Variants in PLPP1 observed in about 807,000 individuals in gnomAD.
The protein encoded by PLPP1 is lipid phosphate phosphohydrolase 1a.
A neutral mutation model predicts 31.2 loss-of-function variants in PLPP1; 24 were observed. That is an observed-to-expected ratio of 0.77 (90% CI 0.56 to 1.08). PLPP1 has a LOEUF of 1.08. Ranked by LOEUF, PLPP1 falls within the 50% of genes least tolerant of loss-of-function variation. PLPP1 has a pLI of 0.00. For missense variants in PLPP1, 319 were observed against 342.7 expected (o/e 0.93, Z 0.55); for synonymous variants, 146 against 126.3 (o/e 1.16, Z -1.05).
intron 1 of PLPP1, among the ~76,000 whole-genome samples, chr5:55,480,453 C>T (rs1204660903): frequency 6.6e-6 from 1 of 151,980 alleles, no homozygotes; most frequent in African/African-American, 2.4e-5. Flanking sequence ...TTAATCCCTG[C>T]TTCCACCAAG....
chr5:55,444,652 T>A (rs1045271251), intron 3 of PLPP1, among the ~76,000 whole-genome samples: 1 of 152,116 alleles, frequency 6.6e-6, no homozygotes, highest in African/African-American at 2.4e-5. Flanking sequence ...TTTCACTGAC[T>A]CTGAGGGGTG....
In PLPP1 at chr5:55,425,254, A is replaced by G. The variant is rs1751146026; in HGVS notation, c.807T>C (p.His269=). 1 of 1,613,820 alleles carries G rather than the reference A, an allele frequency of 6.2e-7. No homozygotes were observed. Among genetic ancestry groups the G allele is most frequent in the Admixed American group, 1.7e-5 (1 of 59,934 alleles). ...AGTGATTCCCAGTTGTTGGTGTTTC[A>G]TGCAGAGTTGTATGAGAGTCCTCCT... The part of the protein sequence containing the change: ...RKEEDSHTTL[H]ETPTTGNHYP... Residue 269 remains histidine (H), a synonymous_variant, in exon 6 of 6, where the codon CAT becomes CAC. Coordinates refer to ENST00000307259, the MANE Select transcript of PLPP1 (RefSeq NM_003711.4).
chr5:55,458,913 A>C (rs1310959165), intron 3 of PLPP1, among the ~76,000 whole-genome samples: 1 of 149,694 alleles, frequency 6.7e-6, no homozygotes, highest in Non-Finnish European at 1.5e-5. Context: ...AAAAAAAAAA[A>C]AAACACATAG....
chr5:55,425,447 G>T, intron 5 of PLPP1, 113 bp from the exon 6 acceptor site: 1 of 999,628 alleles, frequency 1.0e-6, no homozygotes, highest in Non-Finnish European at 1.4e-6. Flanking sequence ...ACTTTGAGGT[G>T]TACAGATTAA....
intron 1 of PLPP1, among the ~76,000 whole-genome samples, chr5:55,496,551 T>C (rs992034733): frequency 3.9e-5 from 6 of 152,218 alleles, no homozygotes; most frequent in Non-Finnish European, 7.3e-5. Flanking sequence ...ACAATATCTC[T>C]TGTTGATTTT....
chr5:55,533,424 A>G (rs1430342502), intron 1 of PLPP1, among the ~76,000 whole-genome samples: 2 of 152,198 alleles, frequency 1.3e-5, no homozygotes, highest in South Asian at 4.2e-4. Context: ...TTTTCCTTAC[A>G]ACAACAACAA....
chr5:55,444,519 C>T (rs573097516), intron 3 of PLPP1, among the ~76,000 whole-genome samples: 15 of 152,244 alleles, frequency 9.9e-5, no homozygotes, highest in African/African-American at 3.6e-4. Flanking sequence ...TTCATTATAG[C>T]CTCTCTGATG....
intron 3 of PLPP1, among the ~76,000 whole-genome samples, chr5:55,443,723 T>C (rs1298119841): frequency 1.3e-5 from 2 of 152,240 alleles, no homozygotes; most frequent in African/African-American, 4.8e-5. Flanking sequence ...TTTCCATTTT[T>C]TACACTGAAT....
At chr5:55,530,820 CACCTCCTGACAG>C (rs1740636291) in intron 1 of PLPP1, 1 of 1,318,464 alleles carries the variant, frequency 7.6e-7, no homozygotes, top group African/African-American at 1.4e-5. Context: ...GCGTTTTGAG[CACCTCCTGACAG>C]ACGGGGCAGT....
intron 1 of PLPP1, among the ~76,000 whole-genome samples, chr5:55,483,691 C>CAAT (rs1752717586): frequency 7.1e-6 from 1 of 140,340 alleles, no homozygotes; most frequent in Non-Finnish European, 1.6e-5. Context: ...AAAAAAACTA[C>CAAT]ATTATTAGAA....
At chr5:55,525,529 T>TC (rs1381214727) in intron 1 of PLPP1, among the ~76,000 whole-genome samples, 1 of 152,228 alleles carries the variant, frequency 6.6e-6, no homozygotes. Flanking sequence ...AGAAATGGGG[T>TC]CTCACGATGT....
chr5:55,517,481 G>A (rs1407541841), intron 1 of PLPP1, among the ~76,000 whole-genome samples: 1 of 152,166 alleles, frequency 6.6e-6, no homozygotes, highest in Non-Finnish European at 1.5e-5. Context: ...ACAGGTGTGA[G>A]CTACAACACC....
intron 3 of PLPP1, among the ~76,000 whole-genome samples, chr5:55,450,679 C>T (rs1186165336): frequency 6.6e-6 from 1 of 152,138 alleles, no homozygotes; most frequent in East Asian, 1.9e-4. Flanking sequence ...AAGGAAAATT[C>T]ATGACCTCAT....
At chr5:55,487,492 G>T (rs183576151) in intron 1 of PLPP1, among the ~76,000 whole-genome samples, 1 of 151,194 alleles carries the variant, frequency 6.6e-6, no homozygotes, top group Admixed American at 6.6e-5. Context: ...TTCTGAATAT[G>T]GCACCTTTTT....
At chr5:55,487,168 T>C (rs1423933485) in intron 1 of PLPP1, among the ~76,000 whole-genome samples, 1 of 152,200 alleles carries the variant, frequency 6.6e-6, no homozygotes, top group Non-Finnish European at 1.5e-5. Context: ...GTAAGTTTTC[T>C]ATCCTGAAAC....
In PLPP1 at chr5:55,534,907, C is replaced by T; in HGVS notation, c.-278G>A. ...CGGCAGCTCTGTAGCCTCAGGACCTCCTCAGCCGGCACGGCCTGCCCCGGT... is the reference window on the plus strand; with the variant it reads ...CGGCAGCTCTGTAGCCTCAGGACCTTCTCAGCCGGCACGGCCTGCCCCGGT... On this transcript the variant is annotated 5_prime_UTR_variant, in exon 1 of 6. Coordinates refer to ENST00000307259, the MANE Select transcript of PLPP1 (RefSeq NM_003711.4). 4 of 446,318 alleles carry T rather than the reference C, an allele frequency of 9.0e-6. No individual in the cohort carries two copies. The South Asian group carries it at 1.3e-4, about 15-fold the overall frequency. 27.6% of individuals were successfully genotyped at this position (446,318 alleles called of 1,614,324 possible).
At chr5:55,512,727 C>CACACACACACAT (rs1554041670) in intron 1 of PLPP1, among the ~76,000 whole-genome samples, 1 of 151,236 alleles carries the variant, frequency 6.6e-6, no homozygotes, top group African/African-American at 2.4e-5. Flanking sequence ...ATAAACTACA[C>CACACACACACAT]ACACACACAC....
chr5:55,478,906 A>C (rs748438446), intron 1 of PLPP1, among the ~76,000 whole-genome samples: 2 of 152,250 alleles, frequency 1.3e-5, no homozygotes, highest in South Asian at 2.1e-4. Flanking sequence ...ACAAATGTAC[A>C]CTATTCTGTT....
intron 4 of PLPP1, among the ~76,000 whole-genome samples, chr5:55,433,563 G>A (rs1473310295): frequency 7.1e-6 from 1 of 141,210 alleles, no homozygotes; most frequent in African/African-American, 2.6e-5. Context: ...GCAGTGACAC[G>A]ATCTTGGCTC....
Sources: gnomAD v4.1 joint callset for allele counts (sites outside exome capture counted in the v4.1 genomes callset) on GRCh38, gnomAD v4.1.1 for gene constraint, MANE v1.5 for transcripts, NCBI Gene and HGNC (gene_info 2026-07-23, HGNC 2026-07-21) for gene names.